The following CDK11A variants were observed in gnomAD, a reference collection of about 807,000 sequenced individuals.
CDK11A encodes the protein cyclin dependent kinase 11A.
In CDK11A, 55 loss-of-function variants were observed where a neutral mutation model predicts 83.6. The ratio of observed to expected loss-of-function variants is 0.66; its 90% CI spans 0.53 to 0.82. The LOEUF is 0.82. CDK11A is among the 40% of genes least tolerant of loss of function. The pLI is 0.00. For synonymous variants in CDK11A, 247 were observed against 302.7 expected (o/e 0.82, Z 1.91); for missense variants, 564 against 810.1 (o/e 0.70, Z 3.69).
In CDK11A at chr1:1,703,064, C is replaced by G. The variant is rs1415053609; in HGVS notation, c.2250+16G>C. 1 of 403,750 alleles carries G rather than the reference C, an allele frequency of 2.5e-6. No homozygotes were observed. The highest frequency in any genetic ancestry group is 2.3e-5 in the South Asian group (1 of 44,266). The allele number at this position is 403,750 out of a possible 1,614,324, so 25.0% of individuals were successfully genotyped here. Reference sequence around the variant, plus strand: ...AGCCCCACCTGTGGGCACGCCCCACCCGCCAGGCCCCTCACCAGCTGGCTG... The same window carrying G: ...AGCCCCACCTGTGGGCACGCCCCACGCGCCAGGCCCCTCACCAGCTGGCTG... On this transcript the variant is annotated intron_variant, in intron 19 of 19. Coordinates refer to ENST00000404249, the MANE Select transcript of CDK11A (RefSeq NM_024011.4).
chr1:1,722,437 A>AAT (rs1353776869), intron 2 of CDK11A: 1 of 738,082 alleles, frequency 1.4e-6, no homozygotes, highest in Non-Finnish European at 2.2e-6. Context: ...TGAATATACT[A>AAT]ATAATGAACC....
Position 1,721,612 on chromosome 1 carries a change from C to A in CDK11A, c.211G>T (p.Asp71Tyr). Residue 71 changes from aspartate to tyrosine, a missense_variant, in exon 3 of 20, where the codon GAC (aspartate) becomes TAC (tyrosine). By Grantham distance (160) the Asp-to-Tyr change is radical. Around this residue, in one of 5 missense-constraint regions of CDK11A, gnomAD observed 151 missense variants for 147.4 expected, o/e 1.02. Transcript: ENST00000404249. Reference protein sequence around the residue: ...TIRNSPYRREDSMEDRGEEDD... With the variant: ...TIRNSPYRREYSMEDRGEEDD... ...TCCGCTCACCTGTCTTCCATTGAGT[C>A]TTCTCTTCTATACGGGGAGTTCCTT... 1 of 1,607,332 alleles carries A rather than the reference C, an allele frequency of 6.2e-7. No individual in the cohort carries two copies. Among genetic ancestry groups the A allele is most frequent in the Non-Finnish European group, 8.5e-7 (1 of 1,174,994 alleles).
Position 1,721,681 on chromosome 1 carries a change from G to C in CDK11A, c.142C>G (p.Leu48Val). The C allele has an allele frequency of 6.3e-7, 1 of 1,594,798 alleles. No individual in the cohort carries two copies. Among genetic ancestry groups the C allele is most frequent in the African/African-American group, 1.3e-5 (1 of 74,440 alleles). ...SDDRDSKRDS[L>V]EEGELRDHCM... ...TGATCTCTCAGCTCCCCCTCCTCAA[G>C]GGAATCCCGCTTGGAATCCCGGTCA... Residue 48 changes from leucine to valine, a missense_variant, in exon 3 of 20, where the codon CTT (leucine) becomes GTT (valine). Leu to Val is a conservative substitution (Grantham distance 32, BLOSUM62 1). Transcript: ENST00000404249.
At position 1,717,329 on chromosome 1, in the gene CDK11A, C is replaced by T. The variant is rs74045988; in HGVS notation, c.356-851G>A. 2.1e-3 allele frequency among the ~76,000 whole-genome samples: 311 copies of T among 151,062 alleles called. 19 individuals are homozygous for T. The East Asian group carries it at 0.054, about 26-fold the overall frequency. ...AATGAAGCCACATTAATTAATCAAG[C>T]GTATTTATAATAATGAGATTTCAAT... On this transcript the variant is annotated intron_variant, in intron 4 of 19. Transcript: ENST00000404249.
intron 11 of CDK11A, among the ~76,000 whole-genome samples, chr1:1,706,638 C>A (rs1644322348): frequency 1.3e-5 from 2 of 151,422 alleles, no homozygotes; most frequent in South Asian, 4.2e-4. Context: ...GCCCTACCTG[C>A]CAGGCGCAGC....
At chr1:1,708,474 C>A (rs144779393) in intron 9 of CDK11A, among the ~76,000 whole-genome samples, 41,691 of 134,194 alleles carry the variant, frequency 0.31, 5,515 homozygotes, top group African/African-American at 0.51. Context: ...AACCCCGTCT[C>A]GACTAAAAAT....
At chr1:1,713,565 T>C (rs1644544613) in intron 5 of CDK11A, among the ~76,000 whole-genome samples, 1 of 105,608 alleles carries the variant, frequency 9.5e-6, no homozygotes, top group Non-Finnish European at 2.2e-5. Context: ...TGCCTCATGA[T>C]ACTAGCTCAA....
rs1463700780 is a variant in CDK11A at position 1,722,792 on chromosome 1, T to C, written c.27A>G (p.Lys9=). The change falls in exon 2 of 20, where the codon AAA becomes AAG. Residue 9 remains lysine (K), a synonymous_variant. Transcript: ENST00000404249. Reference sequence around the variant, plus strand: ...GAAGAATTTCATCTAAAGTTTTCACTTTCCAAGAGTCCTTTTCATCACCCA... The same window carrying C: ...GAAGAATTTCATCTAAAGTTTTCACCTTCCAAGAGTCCTTTTCATCACCCA... The part of the protein sequence containing the change: MGDEKDSW[K]VKTLDEILQE... The C allele has an allele frequency of 2.1e-6, 3 of 1,434,812 alleles. No homozygotes were observed. The highest frequency in any genetic ancestry group is 2.5e-5 in the Admixed American group (1 of 39,836). The allele number at this position is 1,434,812 out of a possible 1,614,324, so 88.9% of individuals were successfully genotyped here.
At chr1:1,718,067 T>G (rs796902092) in intron 4 of CDK11A, among the ~76,000 whole-genome samples, 1 of 130,164 alleles carries the variant, frequency 7.7e-6, no homozygotes, top group Non-Finnish European at 1.6e-5. Flanking sequence ...CCCTTCTGAA[T>G]GGTCTGTGAC....
At position 1,703,949 on chromosome 1, in the gene CDK11A, C is replaced by G. The variant is rs763291697; in HGVS notation, c.1795-9G>C. On this transcript the variant is annotated splice_polypyrimidine_tract_variant and intron_variant, in intron 16 of 19. Transcript: ENST00000404249. ...ACGGCCGTGGAGTATTCCTAAGACGCCAGGAGAGGTGTTCAGGAAGGCCAG... is the reference window on the plus strand; with the variant it reads ...ACGGCCGTGGAGTATTCCTAAGACGGCAGGAGAGGTGTTCAGGAAGGCCAG... 9 of 1,609,268 alleles carry G rather than the reference C, an allele frequency of 5.6e-6. No homozygotes were observed. The African/African-American group carries it at 1.1e-4, about 19-fold the overall frequency.
Position 1,703,273 on chromosome 1 carries a change from G to C in CDK11A, c.2061-4C>G, listed in dbSNP as rs1419425492. 1.8e-5 allele frequency: 9 copies of C among 489,044 alleles called. No individual in the cohort carries two copies. Among genetic ancestry groups the C allele is most frequent in the Middle Eastern group, 5.0e-4 (1 of 2,020 alleles). 30.3% of individuals were successfully genotyped at this position (489,044 alleles called of 1,614,324 possible). A position where few individuals can be genotyped will look rare whatever the true frequency, so the allele number is the denominator to read the frequency against. On this transcript the variant is annotated splice_polypyrimidine_tract_variant and splice_region_variant and intron_variant, in intron 18 of 19. Coordinates refer to ENST00000404249, the MANE Select transcript of CDK11A (RefSeq NM_024011.4). ...CCCGGGGAAGTAGGTCAGGAACCTG[G>C]GGGGAGAGGGCCAGAGGCCCAGGAG...
chr1:1,703,895 C>A lies in CDK11A; in HGVS notation c.1840G>T (p.Gly614Trp), dbSNP rs879157131. Residue 614 changes from glycine to tryptophan, a missense_variant, in exon 17 of 20, where the codon GGG becomes TGG. By Grantham distance (184) the Gly-to-Trp change is radical. Coordinates refer to ENST00000404249, the MANE Select transcript of CDK11A (RefSeq NM_024011.4). The part of the protein sequence containing the change: ...VDMWSVGCIF[G>W]ELLTQKPLFP... Reference sequence around the variant, plus strand: ...AGAGGCTTCTGAGTCAGCAGCTCCCCGAAGATGCAGCCCACTGACCACATG... The same window carrying A: ...AGAGGCTTCTGAGTCAGCAGCTCCCAGAAGATGCAGCCCACTGACCACATG... 6.2e-7 allele frequency: 1 copy of A among 1,609,738 alleles called. No homozygotes were observed. The highest frequency in any genetic ancestry group is 8.5e-7 in the Non-Finnish European group (1 of 1,176,946).
intron 4 of CDK11A, among the ~76,000 whole-genome samples, chr1:1,718,748 T>C (rs1188731507): frequency 1.3e-5 from 2 of 149,860 alleles, no homozygotes; most frequent in Non-Finnish European, 3.0e-5. Flanking sequence ...GCCATTCTCC[T>C]GCCTCAGCCT....
At chr1:1,703,973 A>C (rs1451223140) in intron 16 of CDK11A, 33 bp from the exon 17 acceptor site, 1 of 1,608,288 alleles carries the variant, frequency 6.2e-7, no homozygotes, top group Non-Finnish European at 8.5e-7. Flanking sequence ...CAGGAAGGCC[A>C]GTGCCCGCGA....
intron 4 of CDK11A, among the ~76,000 whole-genome samples, chr1:1,718,055 A>T (rs1435021859): frequency 4.8e-4 from 66 of 138,304 alleles, no homozygotes; most frequent in Non-Finnish European, 9.1e-4. Flanking sequence ...TGCTCTCTAT[A>T]GCCCTTCTGA....
Position 1,707,390 on chromosome 1 carries a change from G to T in CDK11A, c.1245+19C>A, listed in dbSNP as rs1433331457. The T allele has an allele frequency of 6.2e-7, 1 of 1,605,080 alleles. No individual in the cohort carries two copies. The highest frequency in any genetic ancestry group is 1.3e-5 in the African/African-American group (1 of 74,144). Reference sequence around the variant, plus strand: ...ACTGCCAATGCGGACAGCGGCCCGGGGCGAGGGGAGGGCCTGACCTGCAGG... The same window carrying T: ...ACTGCCAATGCGGACAGCGGCCCGGTGCGAGGGGAGGGCCTGACCTGCAGG... On this transcript the variant is annotated intron_variant, in intron 11 of 19. Coordinates refer to ENST00000404249, the MANE Select transcript of CDK11A (RefSeq NM_024011.4).
chr1:1,721,265 G>A (rs1644895431), intron 3 of CDK11A, among the ~76,000 whole-genome samples: 1 of 150,558 alleles, frequency 6.6e-6, no homozygotes, highest in African/African-American at 2.4e-5. Context: ...GTAACCCTAG[G>A]AAAGAGTAAA....
chr1:1,706,871 G>A (rs545362307), intron 11 of CDK11A, among the ~76,000 whole-genome samples: 2 of 149,588 alleles, frequency 1.3e-5, no homozygotes, highest in Non-Finnish European at 1.5e-5. Context: ...AGTCCCTGCC[G>A]GTCTCCCAGG....
intron 11 of CDK11A, among the ~76,000 whole-genome samples, chr1:1,706,420 G>A (rs1644313147): frequency 6.6e-6 from 1 of 151,372 alleles, no homozygotes; most frequent in Non-Finnish European, 1.5e-5. Flanking sequence ...ATGGTGGCTT[G>A]CGCCTGTAGT....
Sources: gnomAD v4.1 joint callset for allele counts (sites outside exome capture counted in the v4.1 genomes callset) on GRCh38, gnomAD v4.1.1 for gene constraint, gnomAD v4.1.1 regional missense constraint, MANE v1.5 for transcripts, NCBI Gene and HGNC (gene_info 2026-07-23, HGNC 2026-07-21) for gene names.